MAST4: variants seen among roughly 807,000 people sequenced by gnomAD.
MAST4 encodes the protein microtubule-associated serine/threonine-protein kinase 4.
In MAST4, 89 loss-of-function variants were observed where a neutral mutation model predicts 162.7. The ratio of observed to expected loss-of-function variants is 0.55; its 90% CI spans 0.46 to 0.65. MAST4 has a LOEUF of 0.65. Among genes scored for constraint, MAST4 ranks in the 30% least tolerant of loss-of-function variants. The pLI is 0.00. For missense variants in MAST4, 3,153 were observed against 3,374.0 expected (o/e 0.93, Z 1.62); for synonymous variants, 1,479 against 1,361.1 (o/e 1.09, Z -1.91).
chr5:66,952,115 C>A (rs1354142971), intron 4 of MAST4, among the ~76,000 whole-genome samples: 2 of 152,078 alleles, frequency 1.3e-5, no homozygotes, highest in Admixed American at 6.6e-5. Context: ...AAACTTGACA[C>A]CTTAGATGAC....
At position 66,858,702 on chromosome 5, in the gene MAST4, C is replaced by T. The variant is rs76856276; in HGVS notation, c.643-41249C>T. Among the ~76,000 whole-genome samples, 1,208 of 152,216 alleles carry T rather than the reference C, an allele frequency of 7.9e-3. 15 individuals carry two copies. Among genetic ancestry groups the T allele is most frequent in the Admixed American group, 0.016 (242 of 15,292 alleles). On this transcript the variant is annotated intron_variant, in intron 3 of 28. Coordinates refer to ENST00000403625, the MANE Select transcript of MAST4 (RefSeq NM_001164664.2). ...AAATTTTTAAAATTGTTTAATTTCA[C>T]CAAAACATATCTACTTATAATTTTG... is the stretch of plus-strand genomic sequence containing the variant.
chr5:66,973,217 C>G (rs914011946), intron 4 of MAST4, among the ~76,000 whole-genome samples: 1 of 151,976 alleles, frequency 6.6e-6, no homozygotes, highest in East Asian at 1.9e-4. Flanking sequence ...ATTATTATGG[C>G]GTTAAAATTG....
chr5:67,034,438 T>A (rs1201438925), intron 4 of MAST4, among the ~76,000 whole-genome samples: 1 of 152,122 alleles, frequency 6.6e-6, no homozygotes, highest in East Asian at 1.9e-4. Context: ...CAACATCCCT[T>A]CATTCTCTCT....
chr5:66,858,708 C>T (rs1415829137), intron 3 of MAST4, among the ~76,000 whole-genome samples: 1 of 152,144 alleles, frequency 6.6e-6, no homozygotes, highest in South Asian at 2.1e-4. Context: ...TTCACCAAAA[C>T]ATATCTACTT....
chr5:66,978,212 C>T (rs945952041), intron 4 of MAST4, among the ~76,000 whole-genome samples: 8 of 152,150 alleles, frequency 5.3e-5, no homozygotes, highest in Non-Finnish European at 1.2e-4. Flanking sequence ...AAATGCACTC[C>T]TCTATTCTCC....
At chr5:66,747,594 A>C (rs1044482195) in intron 1 of MAST4, among the ~76,000 whole-genome samples, 20 of 152,172 alleles carry the variant, frequency 1.3e-4, no homozygotes, top group Non-Finnish European at 2.2e-4. Context: ...CTGAGATTCT[A>C]TCTGTGCTCT....
chr5:66,673,530 GTTTTT>G (rs11376867), intron 1 of MAST4, among the ~76,000 whole-genome samples: 1 of 106,548 alleles, frequency 9.4e-6, no homozygotes, highest in Non-Finnish European at 2.0e-5. Context: ...TTTGTTTTTT[GTTTTT>G]TTTTTTTTTG....
chr5:66,968,466 T>C (rs1747017618), intron 4 of MAST4, among the ~76,000 whole-genome samples: 1 of 152,158 alleles, frequency 6.6e-6, no homozygotes, highest in South Asian at 2.1e-4. Context: ...GATATAGTAC[T>C]ACTTCCAGAG....
intron 21 of MAST4, among the ~76,000 whole-genome samples, chr5:67,143,726 T>C (rs991514963): frequency 6.6e-6 from 1 of 152,166 alleles, no homozygotes; most frequent in Non-Finnish European, 1.5e-5. Flanking sequence ...AGCCAGTCTG[T>C]CCTAGAGCCA....
chr5:66,920,948 C>T (rs535069234), intron 4 of MAST4, among the ~76,000 whole-genome samples: 14 of 151,956 alleles, frequency 9.2e-5, no homozygotes, highest in Non-Finnish European at 1.3e-4. Flanking sequence ...TTGGAGTGCC[C>T]AGACAGTGCT....
At chr5:67,021,930 TAA>T (rs1754033981) in intron 4 of MAST4, among the ~76,000 whole-genome samples, 1 of 152,228 alleles carries the variant, frequency 6.6e-6, no homozygotes, top group South Asian at 2.1e-4. Context: ...GAAGAAATTA[TAA>T]GAGCATTACC....
At position 67,078,932 on chromosome 5, in the gene MAST4, ATATATATATATATATATATG is replaced by A. The variant is rs1487001027; in HGVS notation, c.764-11229_764-11210del. Among the ~76,000 whole-genome samples, 191 of 81,960 alleles carry A rather than the reference ATATATATATATATATATATG, an allele frequency of 2.3e-3. 7 individuals carry two copies. The highest frequency in any genetic ancestry group is 0.01 in the African/African-American group (188 of 18,276). The allele number at this position is 81,960 out of a possible 152,430, so 53.8% of individuals were successfully genotyped here. A position where few individuals can be genotyped will look rare whatever the true frequency, so the allele number is the denominator to read the frequency against. On this transcript the variant is annotated intron_variant, in intron 5 of 28. Coordinates refer to ENST00000403625, the MANE Select transcript of MAST4 (RefSeq NM_001164664.2). ...TATAAATATATATATATATATATAT[ATATATATATATATATATATG>A]GCAATCTGATGTTATCTGTCAAATT... is the stretch of plus-strand genomic sequence containing the variant.
At chr5:66,807,793 T>C (rs1352559918) in intron 3 of MAST4, among the ~76,000 whole-genome samples, 2 of 152,194 alleles carry the variant, frequency 1.3e-5, no homozygotes, top group African/African-American at 4.8e-5. Flanking sequence ...CCAGAAAGAA[T>C]GGGTCCCTCA....
chr5:67,098,123 C>T (rs1333459840), intron 7 of MAST4, among the ~76,000 whole-genome samples: 1 of 152,100 alleles, frequency 6.6e-6, no homozygotes, highest in East Asian at 1.9e-4. Context: ...AAATTGCAAG[C>T]ATTTTGAAAA....
chr5:66,970,372 T>G (rs1339344481), intron 4 of MAST4, among the ~76,000 whole-genome samples: 1 of 152,176 alleles, frequency 6.6e-6, no homozygotes, highest in Non-Finnish European at 1.5e-5. Flanking sequence ...CTTTGATTTT[T>G]CTGAAATATA....
chr5:66,893,902 C>T (rs897642382), intron 3 of MAST4, among the ~76,000 whole-genome samples: 24 of 152,164 alleles, frequency 1.6e-4, no homozygotes, highest in African/African-American at 5.8e-4. Context: ...CTTTTTTGTC[C>T]TCTGCTTCTG....
intron 4 of MAST4, among the ~76,000 whole-genome samples, chr5:67,033,846 A>C (rs1755681428): frequency 1.3e-5 from 2 of 152,190 alleles, no homozygotes; most frequent in Admixed American, 6.5e-5. Flanking sequence ...ATAATATGGC[A>C]TTGTGAATCC....
At chr5:67,004,255 G>A (rs954773427) in intron 4 of MAST4, among the ~76,000 whole-genome samples, 2 of 152,094 alleles carry the variant, frequency 1.3e-5, no homozygotes, top group African/African-American at 2.4e-5. Flanking sequence ...AGGCGCGGCC[G>A]GGGCTGGTGG....
intron 1 of MAST4, among the ~76,000 whole-genome samples, chr5:66,679,114 A>G (rs942976666): frequency 9.2e-5 from 14 of 152,172 alleles, no homozygotes; most frequent in African/African-American, 1.4e-4. Context: ...TTATTTGTCA[A>G]TTATACCTTA....
Sources: gnomAD v4.1 joint callset for allele counts (sites outside exome capture counted in the v4.1 genomes callset) on GRCh38, gnomAD v4.1.1 for gene constraint, MANE v1.5 for transcripts, NCBI Gene and HGNC (gene_info 2026-07-23, HGNC 2026-07-21) for gene names.